The following L3MBTL1 variants were observed in gnomAD, a reference collection of about 807,000 sequenced individuals.
The protein encoded by L3MBTL1 is L3MBTL histone methyl-lysine binding protein 1.
In L3MBTL1, 75 loss-of-function variants were observed where a neutral mutation model predicts 105.3. The ratio of observed to expected loss-of-function variants is 0.71; its 90% CI spans 0.59 to 0.86. The LOEUF is 0.86. L3MBTL1 is among the 40% of genes least tolerant of loss of function. L3MBTL1 has a pLI of 0.00. For synonymous variants in L3MBTL1, 452 were observed against 436.2 expected (o/e 1.04, Z -0.45); for missense variants, 1,069 against 1,126.4 (o/e 0.95, Z 0.73).
intron 19 of L3MBTL1, chr20:43,539,724 C>A: frequency 3.9e-6 from 1 of 258,386 alleles, no homozygotes; most frequent in Non-Finnish European, 7.7e-6. Context: ...TGGTCGTGGC[C>A]CGGAAGGACT....
In L3MBTL1 at chr20:43,530,422, A is replaced by G. The variant is rs1301181231; in HGVS notation, c.1192+3A>G. 6.2e-7 allele frequency: 1 copy of G among 1,613,926 alleles called. No homozygotes were observed. Among genetic ancestry groups the G allele is most frequent in the Admixed American group, 1.7e-5 (1 of 59,976 alleles). On this transcript the variant is annotated splice_donor_region_variant and intron_variant, in intron 10 of 21. Coordinates refer to ENST00000418998, the MANE Select transcript of L3MBTL1 (RefSeq NM_001377303.1). The stretch of plus-strand genomic sequence containing the variant: ...CCACAAGCTGCAGCCTCCCAAAGGT[A>G]AGGCCTAGCTGGGTTGGTCACAGTG...
Position 43,540,761 on chromosome 20 carries a change from C to T in L3MBTL1, c.2340C>T (p.Gly780=). ...CATCTTTGGTTTCCAAGGTCTTCGG[C>T]TTTGTTCAGACCCTGACAGGTTGTG... The part of the protein sequence containing the change: ...VAKWTIDEVF[G]FVQTLTGCED... Residue 780 remains glycine (G), a synonymous_variant, in exon 21 of 22, where the codon GGC becomes GGT. Transcript: ENST00000418998. 6.2e-7 allele frequency: 1 copy of T among 1,614,184 alleles called. No individual in the cohort carries two copies. Among genetic ancestry groups the T allele is most frequent in the Non-Finnish European group, 8.5e-7 (1 of 1,180,042 alleles).
intron 20 of L3MBTL1, among the ~76,000 whole-genome samples, 177 bp from the exon 21 acceptor site, chr20:43,540,576 T>A (rs946031598): frequency 1.3e-5 from 2 of 152,098 alleles, no homozygotes; most frequent in Non-Finnish European, 2.9e-5. Context: ...GTCCCAGGCC[T>A]CAGAAGCAAG....
chr20:43,542,408 G>T (rs2019952271), downstream of L3MBTL1, among the ~76,000 whole-genome samples: 1 of 152,006 alleles, frequency 6.6e-6, no homozygotes, highest in African/African-American at 2.4e-5. Flanking sequence ...CCCTGTTTTC[G>T]ATGGCCTCTG....
chr20:43,535,691 A>G, intron 16 of L3MBTL1, 146 bp from the exon 17 acceptor site: 1 of 591,902 alleles, frequency 1.7e-6, no homozygotes, highest in Admixed American at 3.0e-5. Flanking sequence ...CCAGTAACAC[A>G]GAATGGTGTC....
At chr20:43,548,587 TAGTAGAGCAGC>T (rs1978785065) in exon 19 of L3MBTL1, 1 of 167,510 alleles carries the variant, frequency 6.0e-6, no homozygotes, top group Non-Finnish European at 1.3e-5. Flanking sequence ...GAGGAGAGAC[TAGTAGAGCAGC>T]AGTCCTTCAA....
At chr20:43,527,488 G>T (rs1243209540) in intron 7 of L3MBTL1, among the ~76,000 whole-genome samples, 1 of 149,012 alleles carries the variant, frequency 6.7e-6, no homozygotes, top group Non-Finnish European at 1.5e-5. Flanking sequence ...CCCTCCCCAG[G>T]ACCCTGAGAC....
chr20:43,514,863 G>A (rs2145378949), intron 4 of L3MBTL1, 87 bp downstream of exon 4: 4 of 1,456,648 alleles, frequency 2.7e-6, no homozygotes, highest in East Asian at 2.5e-5. Context: ...GGCGGGGCCC[G>A]GGGTGGTCCT....
At chr20:43,508,900 T>A (rs887068091) in intron 1 of L3MBTL1, among the ~76,000 whole-genome samples, 1 of 152,212 alleles carries the variant, frequency 6.6e-6, no homozygotes, top group Non-Finnish European at 1.5e-5. Context: ...GTGGGGTCTT[T>A]ACACCTCATA....
intron 19 of L3MBTL1, 93 bp downstream of exon 19, chr20:43,536,551 T>A: frequency 7.0e-7 from 1 of 1,436,108 alleles, no homozygotes; most frequent in Non-Finnish European, 9.8e-7. Flanking sequence ...TTTCCCAGAG[T>A]GGGAGAAGCT....
chr20:43,517,226 G>A (rs1222029650), intron 7 of L3MBTL1, among the ~76,000 whole-genome samples: 1 of 151,860 alleles, frequency 6.6e-6, no homozygotes, highest in East Asian at 1.9e-4. Flanking sequence ...AGTCTCCTGA[G>A]TAGCTGGGAC....
At chr20:43,540,693 A>C in intron 20 of L3MBTL1, 60 bp from the exon 21 acceptor site, 1 of 1,519,882 alleles carries the variant, frequency 6.6e-7, no homozygotes. Flanking sequence ...TGTGGAGGCC[A>C]GCTCTCCCTA....
chr20:43,542,111 G>C (rs1030549330), downstream of L3MBTL1, among the ~76,000 whole-genome samples: 1 of 152,248 alleles, frequency 6.6e-6, no homozygotes, highest in African/African-American at 2.4e-5. Context: ...TCGGGAGGCT[G>C]AGGCAGGAGA....
At chr20:43,546,268 A>C (rs1304149670), downstream of L3MBTL1, among the ~76,000 whole-genome samples, 1 of 152,204 alleles carries the variant, frequency 6.6e-6, no homozygotes, top group Non-Finnish European at 1.5e-5. Context: ...AGGAGGGCTC[A>C]CTTGGAACTG....
chr20:43,513,221 C>T (rs2018184787), intron 1 of L3MBTL1, among the ~76,000 whole-genome samples: 3 of 152,206 alleles, frequency 2.0e-5, no homozygotes, highest in Admixed American at 1.3e-4. Flanking sequence ...ACAAAGTACC[C>T]TCACACATGC....
intron 19 of L3MBTL1, among the ~76,000 whole-genome samples, chr20:43,538,216 C>G (rs2019728796): frequency 6.6e-6 from 1 of 152,176 alleles, no homozygotes; most frequent in African/African-American, 2.4e-5. Flanking sequence ...CCTCTTGTAC[C>G]CATCTGTGGT....
At position 43,519,336 on chromosome 20, in the gene L3MBTL1, C is replaced by CAA. The variant is rs35982746; in HGVS notation, c.862+3176_862+3177dup. 2.0e-3 allele frequency among the ~76,000 whole-genome samples: 178 copies of CAA among 90,006 alleles called. 4 individuals carry two copies. Among genetic ancestry groups the CAA allele is most frequent in the South Asian group, 4.0e-3 (11 of 2,724 alleles). 59.0% of individuals were successfully genotyped at this position (90,006 alleles called of 152,430 possible). A position where few individuals can be genotyped will look rare whatever the true frequency, so the allele number is the denominator to read the frequency against. Reference sequence around the variant, plus strand: ...TGTGTGACAGAAGGAAACCCTGACTCAAAAAAAAAAAAAAAAAAGGCTGGG... The same window carrying CAA: ...TGTGTGACAGAAGGAAACCCTGACTCAAAAAAAAAAAAAAAAAAAAGGCTGGG... On this transcript the variant is annotated intron_variant, in intron 7 of 21. Coordinates refer to ENST00000418998, the MANE Select transcript of L3MBTL1 (RefSeq NM_001377303.1).
rs2018320465 is a variant in L3MBTL1, at chr20:43,515,179, G to T, written c.653+20G>T. ...GGAGCGGTAAGGGGAGGAGGTCGCAGCCCTACTTGCTCTACCTTCAGCCCC... is the reference window on the plus strand; with the variant it reads ...GGAGCGGTAAGGGGAGGAGGTCGCATCCCTACTTGCTCTACCTTCAGCCCC... On this transcript the variant is annotated intron_variant, in intron 5 of 21. Transcript: ENST00000418998. 4 of 1,614,138 alleles carry T rather than the reference G, an allele frequency of 2.5e-6. No individual in the cohort carries two copies. The East Asian group carries it at 8.9e-5, about 36-fold the overall frequency.
Position 43,530,314 on chromosome 20 carries a change from G to A in L3MBTL1, c.1087G>A (p.Asp363Asn), listed in dbSNP as rs767897275. 2 of 1,614,066 alleles carry A rather than the reference G, an allele frequency of 1.2e-6. No homozygotes were observed. Among genetic ancestry groups the A allele is most frequent in the Non-Finnish European group, 8.5e-7 (1 of 1,180,002 alleles). ...VCGYRLRLHF[D>N]GYSECHDFWV... is the part of the protein sequence containing the mutation. ...TGGCTATCGCCTACGCCTGCACTTT[G>A]ATGGGTATTCTGAGTGCCATGACTT... Residue 363 changes from aspartate to asparagine, a missense_variant, in exon 10 of 22, where the codon GAT (aspartate) becomes AAT (asparagine). Coordinates refer to ENST00000418998, the MANE Select transcript of L3MBTL1 (RefSeq NM_001377303.1).
Sources: gnomAD v4.1 joint callset for allele counts (sites outside exome capture counted in the v4.1 genomes callset) on GRCh38, gnomAD v4.1.1 for gene constraint, MANE v1.5 for transcripts, NCBI Gene and HGNC (gene_info 2026-07-23, HGNC 2026-07-21) for gene names.